Variants in FREM1 observed in about 807,000 individuals in gnomAD.
The protein encoded by FREM1 is FRAS1-related extracellular matrix protein 1.
Under a neutral mutation model 210.1 loss-of-function variants are expected in FREM1, and 220 were observed. The ratio of observed to expected loss-of-function variants is 1.05; its 90% CI spans 0.94 to 1.17. The LOEUF (loss-of-function observed/expected upper bound fraction) is 1.17, where lower values mean the gene tolerates loss of function less well. Ranked by LOEUF, FREM1 falls within the 50% of genes most tolerant of loss-of-function variation. The probability of loss-of-function intolerance (pLI) is 0.00; values close to 1 mark genes in which losing one functional copy is unlikely to be tolerated. For synonymous variants in FREM1, 1,189 were observed against 980.2 expected (o/e 1.21, Z -3.98); for missense variants, 3,454 against 2,675.5 (o/e 1.29, Z -6.42).
rs117884768 is a variant in FREM1, at chr9:14,810,168, G to C, written c.2894-2034C>G. On this transcript the variant is annotated intron_variant, in intron 16 of 36. Coordinates refer to ENST00000380880, the MANE Select transcript of FREM1 (RefSeq NM_001379081.2). ...GCAGATAAGGTAGAACATTGGGACAGATGGGATAGAAGATCTGTAGGGAGA... is the reference window on the plus strand; with the variant it reads ...GCAGATAAGGTAGAACATTGGGACACATGGGATAGAAGATCTGTAGGGAGA... Among the ~76,000 whole-genome samples the C allele has an allele frequency of 2.1e-3, 321 of 152,154 alleles. 6 individuals are homozygous for C. The East Asian group carries it at 0.036, about 17-fold the overall frequency.
intron 1 of FREM1, among the ~76,000 whole-genome samples, chr9:14,907,156 C>T (rs1367907688): frequency 6.6e-6 from 1 of 152,142 alleles, no homozygotes; most frequent in African/African-American, 2.4e-5. Context: ...CCCTGTCCTC[C>T]AGTCAATAGT....
intron 2 of FREM1, 63 bp from the exon 3 acceptor site, chr9:14,863,966 G>T (rs1831050363): frequency 2.9e-6 from 3 of 1,029,668 alleles, no homozygotes; most frequent in South Asian, 1.3e-5. Flanking sequence ...TTAACATTTT[G>T]CCAGGAGAGC....
chr9:14,813,547 T>C (rs1419636944), intron 15 of FREM1, among the ~76,000 whole-genome samples: 1 of 152,212 alleles, frequency 6.6e-6, no homozygotes, highest in Non-Finnish European at 1.5e-5. Flanking sequence ...TTCTCTGGAC[T>C]TATAATAAGC....
At chr9:14,878,010 C>T (rs61050353) in intron 1 of FREM1, among the ~76,000 whole-genome samples, 26,489 of 152,234 alleles carry the variant, frequency 0.17, 2,819 homozygotes, top group East Asian at 0.57. Context: ...CACCAAGTCT[C>T]TGCTGGATGA....
rs1038420871 is a variant in FREM1, at chr9:14,748,716, G to A, written c.5558-77C>T. The A allele has an allele frequency of 3.2e-6, 3 of 933,654 alleles. No homozygotes were observed. The Admixed American group carries it at 6.5e-5, about 20-fold the overall frequency. 57.8% of individuals were successfully genotyped at this position (933,654 alleles called of 1,614,324 possible). A position where few individuals can be genotyped will look rare whatever the true frequency, so the allele number is the denominator to read the frequency against. On this transcript the variant is annotated intron_variant, in intron 30 of 36. Coordinates refer to ENST00000380880, the MANE Select transcript of FREM1 (RefSeq NM_001379081.2). ...AGGTATCACATTGACACAGCTCCTG[G>A]AGCAGCTTGTCATTAAACCTAGATG...
rs1450546002 is a variant in FREM1, at chr9:14,819,274, C to T, written c.2506G>A (p.Gly836Ser). The stretch of plus-strand genomic sequence containing the variant: ...TGGAGATCGCCCCAAGAAAATGTGC[C>T]CCCTGAATTTAGAGGAAATCCATTC... ...ELNGFPLNSGGTFSWGDLHTL... is the reference protein window; with the variant it reads ...ELNGFPLNSGSTFSWGDLHTL... The change falls in exon 14 of 37, where the codon GGC (glycine) becomes AGC (serine). Residue 836 changes from glycine (G) to serine (S), a missense_variant. Coordinates refer to ENST00000380880, the MANE Select transcript of FREM1 (RefSeq NM_001379081.2). The T allele has an allele frequency of 3.1e-6, 5 of 1,613,468 alleles. No individual in the cohort carries two copies. Among genetic ancestry groups the T allele is most frequent in the African/African-American group, 2.7e-5 (2 of 74,894 alleles).
chr9:14,822,082 TGA>T, intron 13 of FREM1, among the ~76,000 whole-genome samples: 1 of 152,242 alleles, frequency 6.6e-6, no homozygotes, highest in South Asian at 2.1e-4. Context: ...GTTTTATAAA[TGA>T]GAGTTCCCTG....
At chr9:14,745,568 G>C (rs1320236084) in intron 35 of FREM1, among the ~76,000 whole-genome samples, 1 of 152,104 alleles carries the variant, frequency 6.6e-6, no homozygotes, top group African/African-American at 2.4e-5. Flanking sequence ...AATATGGTTT[G>C]CTCTTTCATT....
intron 10 of FREM1, among the ~76,000 whole-genome samples, chr9:14,827,384 C>G (rs137917856): frequency 4.7e-4 from 72 of 152,300 alleles, no homozygotes; most frequent in African/African-American, 1.7e-3. Flanking sequence ...TAAGGCAGAA[C>G]TGAGCAGGGA....
At chr9:14,848,920 T>C (rs1479108922) in intron 6 of FREM1, 147 bp from the exon 7 acceptor site, 7 of 471,394 alleles carry the variant, frequency 1.5e-5, no homozygotes, top group Non-Finnish European at 2.7e-5. Flanking sequence ...TTAGACATCC[T>C]GATTTGACTT....
intron 6 of FREM1, among the ~76,000 whole-genome samples, chr9:14,850,975 A>T (rs562452865): frequency 1.3e-5 from 2 of 152,352 alleles, no homozygotes; most frequent in Admixed American, 6.5e-5. Flanking sequence ...TTCTCTTGGC[A>T]CATGAGTGCT....
At chr9:14,884,122 G>A (rs1835332850) in intron 1 of FREM1, among the ~76,000 whole-genome samples, 2 of 152,152 alleles carry the variant, frequency 1.3e-5, no homozygotes, top group Admixed American at 6.5e-5. Context: ...CCAGCTACTT[G>A]GGAGGCTGAG....
chr9:14,863,879 T>C lies in FREM1; in HGVS notation c.259A>G (p.Asn87Asp). The C allele has an allele frequency of 6.2e-7, 1 of 1,612,266 alleles. No homozygotes were observed. The highest frequency in any genetic ancestry group is 8.5e-7 in the Non-Finnish European group (1 of 1,178,376). Reference protein sequence around the residue: ...PQVFDCHFLPNEVKYVHNGCP... With the variant: ...PQVFDCHFLPDEVKYVHNGCP... ...CCATTGTGAACATACTTGACTTCGT[T>C]GGGAAGGAAATGGCAGTCAAAGACC... Residue 87 changes from asparagine (N) to aspartate (D), a missense_variant, in exon 3 of 37, where the codon AAC (asparagine) becomes GAC (aspartate). Transcript: ENST00000380880.
chr9:14,820,774 A>T (rs185878506), intron 13 of FREM1, among the ~76,000 whole-genome samples: 1 of 152,268 alleles, frequency 6.6e-6, no homozygotes, highest in Admixed American at 6.5e-5. Flanking sequence ...GACCTCTCCC[A>T]AGTGTCTCAC....
intron 1 of FREM1, among the ~76,000 whole-genome samples, chr9:14,898,901 G>C (rs1775574508): frequency 1.3e-5 from 2 of 152,168 alleles, no homozygotes; most frequent in African/African-American, 4.8e-5. Context: ...AAGTGAGAAG[G>C]TATATAGGAA....
chr9:14,775,564 T>C (rs1289412265), intron 25 of FREM1, among the ~76,000 whole-genome samples: 1 of 151,596 alleles, frequency 6.6e-6, no homozygotes, highest in Non-Finnish European at 1.5e-5. Flanking sequence ...AAAAGTTAGC[T>C]GGGCATGGTG....
In FREM1 at chr9:14,797,629, C is replaced by G. The variant is rs61747541; in HGVS notation, c.3708G>C (p.Thr1236=). 2.5e-6 allele frequency: 4 copies of G among 1,610,660 alleles called. No individual in the cohort carries two copies. The highest frequency in any genetic ancestry group is 2.7e-5 in the African/African-American group (2 of 74,794). ...MELLKTGMRL[T]YMHDDSESLA... ...GGCTCTCTGAGTCATCATGCATGTACGTCAACCTCATTCCTGGAAGAAGGA... is the reference window on the plus strand; with the variant it reads ...GGCTCTCTGAGTCATCATGCATGTAGGTCAACCTCATTCCTGGAAGAAGGA... Residue 1236 remains threonine, a synonymous_variant, in exon 21 of 37, where the codon ACG becomes ACC. Transcript: ENST00000380880.
chr9:14,849,228 G>C (rs1213424438), intron 6 of FREM1, among the ~76,000 whole-genome samples: 1 of 152,148 alleles, frequency 6.6e-6, no homozygotes, highest in East Asian at 1.9e-4. Context: ...CGAGTGGGTA[G>C]AGGCCAGGAT....
chr9:14,902,413 C>T (rs1363029854), intron 1 of FREM1, among the ~76,000 whole-genome samples: 1 of 152,172 alleles, frequency 6.6e-6, no homozygotes, highest in Non-Finnish European at 1.5e-5. Context: ...CCAGAGTTTT[C>T]CCATCAGTGA....
Sources: gnomAD v4.1 joint callset for allele counts (sites outside exome capture counted in the v4.1 genomes callset) on GRCh38, gnomAD v4.1.1 for gene constraint, MANE v1.5 for transcripts, NCBI Gene and HGNC (gene_info 2026-07-23, HGNC 2026-07-21) for gene names.